Variants in CEP63 observed in about 807,000 individuals in gnomAD.
The protein encoded by CEP63 is centrosomal protein 63, also known as centrosomal protein of 63 kDa.
In CEP63, 84 loss-of-function variants were observed where a neutral mutation model predicts 89.1. The observed-to-expected ratio is 0.94, with a 90% CI of 0.79 to 1.13. The LOEUF is 1.13. Ranked by LOEUF, CEP63 falls within the 50% of genes most tolerant of loss-of-function variation. The probability of loss-of-function intolerance (pLI) is 0.00; values close to 1 mark genes in which losing one functional copy is unlikely to be tolerated. For missense variants in CEP63, 838 were observed against 813.3 expected, an observed-to-expected ratio of 1.03 and a Z score of -0.37; for synonymous variants, 267 against 272.5, an observed-to-expected ratio of 0.98 and a Z score of 0.20.
At chr3:134,607,810 C>A in the CEP63 span, 2 of 988,160 alleles carry the variant, frequency 2.0e-6, no homozygotes, top group South Asian at 4.7e-5. Flanking sequence ...CTATACTGCC[C>A]CAGGGGAGTG....
chr3:134,720,339 T>A, the CEP63 span, among the ~76,000 whole-genome samples: 1 of 152,192 alleles, frequency 6.6e-6, no homozygotes, highest in Non-Finnish European at 1.5e-5. Context: ...GTTATAAGAA[T>A]GTATTATTTA....
intron 11 of CEP63, among the ~76,000 whole-genome samples, chr3:134,571,354 A>G (rs561134995): frequency 1.3e-5 from 2 of 152,148 alleles, no homozygotes; most frequent in African/African-American, 2.4e-5. Flanking sequence ...TGAGGAGCCT[A>G]TGGACCCCTC....
chr3:134,711,543 C>T, the CEP63 span, among the ~76,000 whole-genome samples: 17 of 152,162 alleles, frequency 1.1e-4, no homozygotes, highest in Non-Finnish European at 2.2e-4. Context: ...CTCATGACCT[C>T]CTGTGGCTTC....
chr3:134,556,319 C>T (rs1219180807), intron 12 of CEP63, among the ~76,000 whole-genome samples: 2 of 152,006 alleles, frequency 1.3e-5, no homozygotes, highest in Non-Finnish European at 2.9e-5. Context: ...AAAGAAACTA[C>T]CATCAGAGTG....
chr3:134,647,513 C>T, the CEP63 span: 1 of 1,576,254 alleles, frequency 6.3e-7, no homozygotes, highest in African/African-American at 1.3e-5. Flanking sequence ...AAATAACAAG[C>T]TTCTCTGAGG....
At chr3:134,687,919 G>A in the CEP63 span, among the ~76,000 whole-genome samples, 2 of 152,234 alleles carry the variant, frequency 1.3e-5, no homozygotes, top group Non-Finnish European at 2.9e-5. Flanking sequence ...AATATCAAGT[G>A]TTGAAAAGGC....
the CEP63 span, among the ~76,000 whole-genome samples, chr3:134,685,996 C>T: frequency 2.0e-5 from 3 of 152,196 alleles, no homozygotes; most frequent in African/African-American, 7.2e-5. Flanking sequence ...CACTGACTTG[C>T]TCCAAGTCAA....
the CEP63 span, among the ~76,000 whole-genome samples, chr3:134,753,588 G>A: frequency 6.6e-6 from 1 of 152,226 alleles, no homozygotes; most frequent in Non-Finnish European, 1.5e-5. Context: ...GATTTCCAGA[G>A]TCTTTGCTCC....
chr3:134,718,088 G>A, the CEP63 span, among the ~76,000 whole-genome samples: 1 of 152,248 alleles, frequency 6.6e-6, no homozygotes, highest in South Asian at 2.1e-4. Flanking sequence ...CTTAGTGGAG[G>A]GTCTGTTAAA....
the CEP63 span, among the ~76,000 whole-genome samples, chr3:134,640,959 C>T: frequency 6.6e-6 from 1 of 152,306 alleles, no homozygotes; most frequent in African/African-American, 2.4e-5. Context: ...AGAAGCCTCC[C>T]AGGCCCTGCC....
intron 3 of CEP63, among the ~76,000 whole-genome samples, chr3:134,528,593 T>TGTGTGTGTGC (rs769215255): frequency 6.7e-6 from 1 of 149,408 alleles, no homozygotes; most frequent in Non-Finnish European, 1.5e-5. Flanking sequence ...TGTGTGTGTG[T>TGTGTGTGTGC]GGTGTTTTGA....
At chr3:134,644,618 C>A in the CEP63 span, among the ~76,000 whole-genome samples, 3 of 152,198 alleles carry the variant, frequency 2.0e-5, no homozygotes, top group South Asian at 6.2e-4. Flanking sequence ...CCAATGGGAC[C>A]AGTGCCTTAG....
chr3:134,685,369 C>T, the CEP63 span, among the ~76,000 whole-genome samples: 1 of 152,086 alleles, frequency 6.6e-6, no homozygotes. Context: ...TGAACACAAA[C>T]ATACTGAAGC....
At chr3:134,600,884 C>A in the CEP63 span, 1 of 152,188 alleles carries the variant, frequency 6.6e-6, no homozygotes, top group Admixed American at 6.5e-5. Flanking sequence ...CATAAGGTAG[C>A]GCTGAGAAGC....
the CEP63 span, among the ~76,000 whole-genome samples, chr3:134,659,924 G>A: frequency 6.6e-5 from 10 of 152,320 alleles, no homozygotes; most frequent in East Asian, 7.7e-4. Context: ...GCCTGTCCCC[G>A]GGGCAGAGCT....
At chr3:134,642,293 G>A in the CEP63 span, among the ~76,000 whole-genome samples, 3 of 152,184 alleles carry the variant, frequency 2.0e-5, no homozygotes, top group African/African-American at 7.2e-5. Flanking sequence ...TGGGGCATGG[G>A]GGAAATCACT....
the CEP63 span, among the ~76,000 whole-genome samples, chr3:134,648,294 C>A: frequency 1.3e-5 from 2 of 152,186 alleles, no homozygotes; most frequent in African/African-American, 4.8e-5. Context: ...TATTCTCCAG[C>A]CCTCTCAACC....
intron 2 of CEP63, among the ~76,000 whole-genome samples, chr3:134,505,655 T>A (rs1197884213): frequency 6.6e-6 from 1 of 152,080 alleles, no homozygotes; most frequent in Non-Finnish European, 1.5e-5. Context: ...CTCTCCAAGG[T>A]CCCTGGATGA....
At chr3:134,510,177 G>A (rs1401275780) in intron 3 of CEP63, among the ~76,000 whole-genome samples, 1 of 152,136 alleles carries the variant, frequency 6.6e-6, no homozygotes, top group Non-Finnish European at 1.5e-5. Flanking sequence ...GCAAACCACT[G>A]TTTTCTTAGT....
Sources: allele counts gnomAD v4.1 joint callset (sites outside exome capture counted in the v4.1 genomes callset), GRCh38; gene constraint gnomAD v4.1.1; transcripts MANE v1.5; gene names NCBI Gene and HGNC (gene_info 2026-07-23, HGNC 2026-07-21).